FSTL4: variants seen among roughly 807,000 people sequenced by gnomAD.
The protein encoded by FSTL4 is follistatin-related protein 4.
Under a neutral mutation model 78.2 loss-of-function variants are expected in FSTL4, and 28 were observed. The ratio of observed to expected loss-of-function variants is 0.36; its 90% CI spans 0.27 to 0.49. FSTL4 has a LOEUF of 0.49. Among genes scored for constraint, FSTL4 ranks in the 20% least tolerant of loss-of-function variants. The probability of loss-of-function intolerance (pLI) is 0.98; values close to 1 mark genes in which losing one functional copy is unlikely to be tolerated. For missense variants in FSTL4, 922 were observed against 1,084.9 expected, an observed-to-expected ratio of 0.85 and a Z score of 2.11; for synonymous variants, 422 against 440.5, an observed-to-expected ratio of 0.96 and a Z score of 0.53.
intron 4 of FSTL4, among the ~76,000 whole-genome samples, chr5:133,352,496 A>C (rs1027087214): frequency 6.6e-6 from 1 of 151,758 alleles, no homozygotes; most frequent in African/African-American, 2.4e-5. Flanking sequence ...AGCAACCTCA[A>C]CCTCCTGGGC....
intron 3 of FSTL4, among the ~76,000 whole-genome samples, chr5:133,445,513 T>C (rs1287343537): frequency 6.6e-6 from 1 of 152,202 alleles, no homozygotes; most frequent in Non-Finnish European, 1.5e-5. Context: ...GCTGCAGTGC[T>C]GGGGTATGCT....
At chr5:133,790,848 G>A in the FSTL4 span, among the ~76,000 whole-genome samples, 8 of 152,258 alleles carry the variant, frequency 5.3e-5, no homozygotes, top group African/African-American at 1.4e-4. Context: ...TCTAGCCCTC[G>A]CCTCTCACCT....
chr5:133,794,302 G>A, the FSTL4 span, among the ~76,000 whole-genome samples: 1 of 152,222 alleles, frequency 6.6e-6, no homozygotes, highest in Non-Finnish European at 1.5e-5. Context: ...CCCCACCACG[G>A]TTACAGACAG....
chr5:133,510,847 A>G (rs766918622), intron 3 of FSTL4, among the ~76,000 whole-genome samples: 13 of 151,914 alleles, frequency 8.6e-5, no homozygotes, highest in Non-Finnish European at 1.3e-4. Context: ...CCCACTCGAT[A>G]AGGTTTCCGC....
At chr5:133,427,250 T>C (rs1030362868) in intron 3 of FSTL4, among the ~76,000 whole-genome samples, 1 of 152,214 alleles carries the variant, frequency 6.6e-6, no homozygotes, top group Non-Finnish European at 1.5e-5. Context: ...TCATGTGCAA[T>C]GCCCAGCACA....
intron 4 of FSTL4, among the ~76,000 whole-genome samples, chr5:133,322,439 A>G (rs945892164): frequency 6.6e-6 from 1 of 152,140 alleles, no homozygotes; most frequent in African/African-American, 2.4e-5. Context: ...AGTCCCTGAG[A>G]TGAGGATCTA....
At chr5:133,637,889 C>T in the FSTL4 span, among the ~76,000 whole-genome samples, 1 of 151,658 alleles carries the variant, frequency 6.6e-6, no homozygotes, top group South Asian at 2.1e-4. Flanking sequence ...CTCCAGTCAC[C>T]GAGATTGTGC....
chr5:133,795,836 G>A, the FSTL4 span, among the ~76,000 whole-genome samples: 2 of 152,246 alleles, frequency 1.3e-5, no homozygotes, highest in Non-Finnish European at 2.9e-5. Flanking sequence ...AACCTCCAAT[G>A]AGTAAGGGAA....
Position 133,461,622 on chromosome 5 carries a change from C to T in FSTL4, c.161-60636G>A, listed in dbSNP as rs1035796943. ...GGAAGTTACAAGCTAGGCTCTGTTG[C>T]TGACTGACTGGACATATCTGGGGCG... is the stretch of plus-strand genomic sequence containing the variant. On this transcript the variant is annotated intron_variant, in intron 3 of 15. Transcript: ENST00000265342. Among the ~76,000 whole-genome samples, 8 of 152,302 alleles carry T rather than the reference C, an allele frequency of 5.3e-5. No individual in the cohort carries two copies. In the South Asian group the frequency reaches 1.2e-3, roughly 24 times the overall value.
the FSTL4 span, among the ~76,000 whole-genome samples, chr5:133,682,389 A>G: frequency 6.6e-6 from 1 of 152,240 alleles, no homozygotes. Context: ...CCTCGAACGC[A>G]GGGACTGCCT....
At chr5:133,749,493 C>A in the FSTL4 span, among the ~76,000 whole-genome samples, 5 of 152,192 alleles carry the variant, frequency 3.3e-5, no homozygotes, top group African/African-American at 1.2e-4. Flanking sequence ...CAGCTGAACC[C>A]CTTTGGGCAG....
At chr5:133,268,342 T>C (rs1752690430) in intron 6 of FSTL4, among the ~76,000 whole-genome samples, 1 of 152,120 alleles carries the variant, frequency 6.6e-6, no homozygotes, top group Non-Finnish European at 1.5e-5. Flanking sequence ...CACCACATGA[T>C]GGAGAATTCT....
chr5:133,576,438 C>T (rs1760280897), intron 2 of FSTL4, among the ~76,000 whole-genome samples: 1 of 152,174 alleles, frequency 6.6e-6, no homozygotes, highest in South Asian at 2.1e-4. Flanking sequence ...TCAAAAGCAA[C>T]CACACTGAGA....
chr5:133,653,316 A>G, the FSTL4 span, among the ~76,000 whole-genome samples: 1 of 152,194 alleles, frequency 6.6e-6, no homozygotes, highest in Non-Finnish European at 1.5e-5. Context: ...CTGGGGCCTC[A>G]TCTCCTCAGC....
intron 7 of FSTL4, among the ~76,000 whole-genome samples, chr5:133,240,170 C>G (rs1405696478): frequency 1.3e-5 from 2 of 152,134 alleles, no homozygotes; most frequent in Admixed American, 1.3e-4. Flanking sequence ...GAAGAAACTC[C>G]AAACGCATCC....
At chr5:133,709,251 G>A in the FSTL4 span, among the ~76,000 whole-genome samples, 1 of 152,150 alleles carries the variant, frequency 6.6e-6, no homozygotes, top group African/African-American at 2.4e-5. Context: ...ATAGTGATTG[G>A]ACCAAACGTT....
intron 3 of FSTL4, among the ~76,000 whole-genome samples, chr5:133,564,476 G>T (rs956528624): frequency 1.3e-5 from 2 of 152,158 alleles, no homozygotes; most frequent in Non-Finnish European, 2.9e-5. Context: ...CACCCACAAA[G>T]CAAATGTGTA....
At chr5:133,359,295 C>T (rs975013626) in intron 4 of FSTL4, among the ~76,000 whole-genome samples, 3 of 152,168 alleles carry the variant, frequency 2.0e-5, no homozygotes, top group African/African-American at 7.2e-5. Context: ...TAGTAAACTC[C>T]AAGAAGGCAG....
intron 3 of FSTL4, among the ~76,000 whole-genome samples, chr5:133,555,921 T>G (rs1284094647): frequency 6.6e-6 from 1 of 152,168 alleles, no homozygotes; most frequent in African/African-American, 2.4e-5. Flanking sequence ...GCGAATAGAC[T>G]GAAATATATT....
Sources: allele counts gnomAD v4.1 joint callset (sites outside exome capture counted in the v4.1 genomes callset), GRCh38; gene constraint gnomAD v4.1.1; transcripts MANE v1.5; gene names NCBI Gene and HGNC (gene_info 2026-07-23, HGNC 2026-07-21).